Variants in NAALADL2 observed in about 807,000 individuals in gnomAD.
NAALADL2 encodes the protein N-acetylated alpha-linked acidic dipeptidase like 2, also known as inactive N-acetylated-alpha-linked acidic dipeptidase-like protein 2.
In NAALADL2, 76 loss-of-function variants were observed where a neutral mutation model predicts 87.2. The ratio of observed to expected loss-of-function variants is 0.87; its 90% CI spans 0.72 to 1.05. The LOEUF is 1.05. Among genes scored for constraint, NAALADL2 ranks in the 50% least tolerant of loss-of-function variants. The pLI is 0.00. For synonymous variants in NAALADL2, 354 were observed against 331.0 expected (o/e 1.07, Z -0.75); for missense variants, 1,089 against 945.8 (o/e 1.15, Z -1.99).
intron 1 of NAALADL2, among the ~76,000 whole-genome samples, chr3:174,943,002 G>C (rs931064146): frequency 1.3e-5 from 2 of 152,050 alleles, no homozygotes; most frequent in East Asian, 1.9e-4. Flanking sequence ...AATGATCTTT[G>C]TTTCTATACG....
chr3:174,596,330 T>C (rs886863544), intron 2 of NAALADL2, among the ~76,000 whole-genome samples: 1 of 152,164 alleles, frequency 6.6e-6, no homozygotes, highest in Admixed American at 6.5e-5. Context: ...AATCCATAAC[T>C]CCTTGATTAT....
intron 10 of NAALADL2, among the ~76,000 whole-genome samples, chr3:175,594,114 A>G (rs1484030643): frequency 6.6e-6 from 1 of 152,072 alleles, no homozygotes; most frequent in Non-Finnish European, 1.5e-5. Flanking sequence ...CATAATACCC[A>G]ATAGGTAGGT....
At chr3:174,857,875 A>C (rs9843028), upstream of NAALADL2, among the ~76,000 whole-genome samples, 52,091 of 151,710 alleles carry the variant, frequency 0.34, 9,423 homozygotes, top group African/African-American at 0.45. Flanking sequence ...GCAATCAGAA[A>C]TTTTTAATGT....
intron 2 of NAALADL2, among the ~76,000 whole-genome samples, chr3:175,212,551 A>T (rs1330414387): frequency 6.6e-6 from 1 of 150,816 alleles, no homozygotes; most frequent in Non-Finnish European, 1.5e-5. Flanking sequence ...AATTTTCTTC[A>T]TTTTTTTTTC....
chr3:174,464,057 A>G (rs1284800305), intron 1 of NAALADL2, among the ~76,000 whole-genome samples: 2 of 152,160 alleles, frequency 1.3e-5, no homozygotes, highest in Non-Finnish European at 2.9e-5. Flanking sequence ...GCTGATAAAC[A>G]TATTGGTCAG....
chr3:175,012,460 G>T (rs529530637), intron 1 of NAALADL2, among the ~76,000 whole-genome samples: 1 of 152,110 alleles, frequency 6.6e-6, no homozygotes, highest in African/African-American at 2.4e-5. Flanking sequence ...GAGCCACCGT[G>T]CCTGGCCCAT....
rs1754581953 is a variant in NAALADL2 at position 175,805,034 on chromosome 3, GCT to G, written c.*1834_*1835del. On this transcript the variant is annotated 3_prime_UTR_variant, in exon 14 of 14. Coordinates refer to ENST00000454872, the MANE Select transcript of NAALADL2 (RefSeq NM_207015.3). ...GGCTTGTGCATACCTAGGCATTCAT[GCT>G]CTTTCTTCCTCTTCAGAGATCATCA... 1 of 151,906 alleles carries G rather than the reference GCT, an allele frequency of 6.6e-6. No individual in the cohort carries two copies. Among genetic ancestry groups the G allele is most frequent in the Non-Finnish European group, 1.5e-5 (1 of 67,888 alleles). The allele number at this position is 151,906 out of a possible 1,614,324, so 9.4% of individuals were successfully genotyped here.
chr3:175,026,116 G>T (rs1329695864), intron 1 of NAALADL2, among the ~76,000 whole-genome samples: 1 of 152,044 alleles, frequency 6.6e-6, no homozygotes, highest in African/African-American at 2.4e-5. Context: ...TGGCTGTTTA[G>T]CCATCCTAAC....
intron 2 of NAALADL2, among the ~76,000 whole-genome samples, chr3:175,230,549 TA>T (rs749628856): frequency 1.3e-5 from 2 of 151,878 alleles, no homozygotes. Flanking sequence ...AGATGCAAAT[TA>T]AAACCACAAT....
intron 1 of NAALADL2, among the ~76,000 whole-genome samples, chr3:174,495,858 G>A (rs1718501817): frequency 6.6e-6 from 1 of 152,158 alleles, no homozygotes; most frequent in Non-Finnish European, 1.5e-5. Context: ...TCCATTAAAT[G>A]AATGACAGGA....
chr3:175,537,290 A>G (rs1418616412), intron 9 of NAALADL2, among the ~76,000 whole-genome samples: 3 of 152,206 alleles, frequency 2.0e-5, no homozygotes, highest in Non-Finnish European at 4.4e-5. Flanking sequence ...ACTTTTAGCC[A>G]TACAGAAGAG....
chr3:175,672,761 TTC>T (rs1274794841), intron 11 of NAALADL2, among the ~76,000 whole-genome samples: 4 of 152,200 alleles, frequency 2.6e-5, no homozygotes, highest in Non-Finnish European at 4.4e-5. Flanking sequence ...CAAAAATATT[TTC>T]TGTTTAGACT....
rs78360961 is a variant in NAALADL2 at position 175,105,803 on chromosome 3, C to G, written c.545+8512C>G. 7.3e-3 allele frequency among the ~76,000 whole-genome samples: 1,110 copies of G among 151,854 alleles called. 23 individuals are homozygous for G. Among genetic ancestry groups the G allele is most frequent in the African/African-American group, 0.026 (1,070 of 41,444 alleles). ...AGGTGAGCTGGATGTCTACTATATT[C>G]CAGGCACTTGGCTAGTCACTCTATA... is the stretch of plus-strand genomic sequence containing the variant. On this transcript the variant is annotated intron_variant, in intron 2 of 13. Coordinates refer to ENST00000454872, the MANE Select transcript of NAALADL2 (RefSeq NM_207015.3).
intron 5 of NAALADL2, among the ~76,000 whole-genome samples, chr3:175,418,149 G>A (rs1185237767): frequency 1.3e-5 from 2 of 152,078 alleles, no homozygotes; most frequent in South Asian, 2.1e-4. Context: ...GGGATATTAG[G>A]TATTTTTGAG....
chr3:175,127,478 C>T (rs1707218737), intron 2 of NAALADL2, among the ~76,000 whole-genome samples: 1 of 152,090 alleles, frequency 6.6e-6, no homozygotes, highest in Admixed American at 6.5e-5. Flanking sequence ...TAGGAGGGCT[C>T]CTGCAGAAAT....
chr3:175,210,151 G>T (rs1314764521), intron 2 of NAALADL2, among the ~76,000 whole-genome samples: 1 of 151,796 alleles, frequency 6.6e-6, no homozygotes, highest in South Asian at 2.1e-4. Context: ...TTAGCCAAGG[G>T]TTGAATAGGG....
intron 2 of NAALADL2, among the ~76,000 whole-genome samples, chr3:174,696,591 T>C (rs1729031490): frequency 1.2e-5 from 1 of 80,320 alleles, no homozygotes; most frequent in Non-Finnish European, 2.2e-5. Context: ...GGTGTAGTTA[T>C]CTAAAAAAAA....
At chr3:174,837,935 T>C (rs370173164) in intron 3 of NAALADL2, among the ~76,000 whole-genome samples, 7 of 140,258 alleles carry the variant, frequency 5.0e-5, no homozygotes, top group African/African-American at 1.3e-4. Context: ...TTTGACAAGA[T>C]AGAGAAAGAG....
At chr3:175,024,442 T>G (rs1310286356) in intron 1 of NAALADL2, among the ~76,000 whole-genome samples, 1 of 152,100 alleles carries the variant, frequency 6.6e-6, no homozygotes, top group African/African-American at 2.4e-5. Context: ...TTTGTGTATC[T>G]TAACCTGAAA....
Sources: allele counts gnomAD v4.1 joint callset (sites outside exome capture counted in the v4.1 genomes callset), GRCh38; gene constraint gnomAD v4.1.1; transcripts MANE v1.5; gene names NCBI Gene and HGNC (gene_info 2026-07-23, HGNC 2026-07-21).